TTC7B: variants seen among roughly 807,000 people sequenced by gnomAD.
TTC7B encodes the protein tetratricopeptide repeat domain 7B, also known as tetratricopeptide repeat protein 7B.
In TTC7B, 28 loss-of-function variants were observed where a neutral mutation model predicts 106.8. That is an observed-to-expected ratio of 0.26 (90% CI 0.19 to 0.36). The LOEUF (loss-of-function observed/expected upper bound fraction) is 0.36, where lower values mean the gene tolerates loss of function less well. Among genes scored for constraint, TTC7B ranks in the 10% least tolerant of loss-of-function variants. The pLI is 1.00. For synonymous variants in TTC7B, 405 were observed against 430.6 expected, an observed-to-expected ratio of 0.94 and a Z score of 0.74; for missense variants, 862 against 1,076.4, an observed-to-expected ratio of 0.80 and a Z score of 2.79.
intron 4 of TTC7B, among the ~76,000 whole-genome samples, chr14:90,736,893 T>TAAAAA (rs58051350): frequency 2.2e-5 from 2 of 91,924 alleles, no homozygotes; most frequent in African/African-American, 9.1e-5. Context: ...CCATGTCTCT[T>TAAAAA]AAAAAAAAAA....
intron 5 of TTC7B, chr14:90,698,284 A>G (rs1264764940): frequency 6.6e-6 from 1 of 152,268 alleles, no homozygotes; most frequent in Non-Finnish European, 1.5e-5. Context: ...CAAGAATTCT[A>G]TTCCAAATGC....
At chr14:90,677,151 A>C (rs963730251) in intron 8 of TTC7B, among the ~76,000 whole-genome samples, 8 of 152,238 alleles carry the variant, frequency 5.3e-5, no homozygotes, top group Non-Finnish European at 1.2e-4. Flanking sequence ...CTACAGAGAT[A>C]TATCTTACTT....
At chr14:90,620,241 G>A (rs971911378) in intron 15 of TTC7B, among the ~76,000 whole-genome samples, 3 of 152,050 alleles carry the variant, frequency 2.0e-5, no homozygotes, top group Non-Finnish European at 2.9e-5. Context: ...CATAAAGAGC[G>A]AGGCTAGATG....
chr14:90,661,363 G>A (rs1886197057), intron 9 of TTC7B, among the ~76,000 whole-genome samples: 2 of 152,236 alleles, frequency 1.3e-5, no homozygotes, highest in Non-Finnish European at 2.9e-5. Flanking sequence ...AAGGAGCACA[G>A]CGGGGAGGCA....
At chr14:90,673,743 G>T (rs1388585210) in intron 9 of TTC7B, among the ~76,000 whole-genome samples, 1 of 152,122 alleles carries the variant, frequency 6.6e-6, no homozygotes, top group Non-Finnish European at 1.5e-5. Context: ...TCTGTACAAC[G>T]GAATACTATT....
At chr14:90,658,275 A>G in intron 10 of TTC7B, 29 bp downstream of exon 10, 1 of 1,601,322 alleles carries the variant, frequency 6.2e-7, no homozygotes, top group Non-Finnish European at 8.6e-7. Flanking sequence ...GAAAGGCATA[A>G]AAAACTGCCC....
intron 19 of TTC7B, among the ~76,000 whole-genome samples, chr14:90,543,068 C>A (rs879933428): frequency 6.6e-6 from 1 of 152,152 alleles, no homozygotes; most frequent in Non-Finnish European, 1.5e-5. Flanking sequence ...CTTTAATAAC[C>A]ATTGAGGTTA....
intron 12 of TTC7B, 43 bp from the exon 13 acceptor site, chr14:90,652,941 G>T (rs1051900503): frequency 1.2e-6 from 2 of 1,603,074 alleles, no homozygotes; most frequent in Admixed American, 3.3e-5. Flanking sequence ...GGGGATCAGG[G>T]AATTTTGACA....
chr14:90,805,130 C>T lies in TTC7B; in HGVS notation c.121+11045G>A, dbSNP rs1038135044. 3.3e-5 allele frequency among the ~76,000 whole-genome samples: 5 copies of T among 152,198 alleles called. No individual in the cohort carries two copies. Among genetic ancestry groups the T allele is most frequent in the Admixed American group, 3.3e-4 (5 of 15,280 alleles). ...GTGGACGCCCACAGCCACTCCCAGT[C>T]CTGAGCACGTGCCCAGGTCTGCTAA... On this transcript the variant is annotated intron_variant, in intron 1 of 19. Coordinates refer to ENST00000328459, the MANE Select transcript of TTC7B (RefSeq NM_001010854.2). This position sits in a 1 kb window ranked among gnomAD's most constrained non-coding sequence, Gnocchi z 4.0.
At position 90,752,610 on chromosome 14, in the gene TTC7B, G is replaced by A. The variant is rs1268134358; in HGVS notation, c.446-7688C>T. ...GACTTCAGTTTCAATAATAATAAAG[G>A]TTGATTTATCAAAGCCCTACTCAGC... is the stretch of plus-strand genomic sequence containing the variant. On this transcript the variant is annotated intron_variant, in intron 3 of 19. Transcript: ENST00000328459. 5.3e-5 allele frequency among the ~76,000 whole-genome samples: 8 copies of A among 152,262 alleles called. No individual in the cohort carries two copies. In the South Asian group the frequency reaches 8.3e-4, roughly 16 times the overall value.
chr14:90,592,661 A>G (rs1189678726), intron 18 of TTC7B, among the ~76,000 whole-genome samples: 1 of 151,366 alleles, frequency 6.6e-6, no homozygotes, highest in Non-Finnish European at 1.5e-5. Flanking sequence ...GTGAGCCGAG[A>G]TTGCACCACT....
At chr14:90,712,001 T>G (rs1888467960) in intron 5 of TTC7B, among the ~76,000 whole-genome samples, 1 of 151,984 alleles carries the variant, frequency 6.6e-6, no homozygotes, top group Non-Finnish European at 1.5e-5. Flanking sequence ...ATGCTATGTA[T>G]AAGAGATAGA....
In TTC7B at chr14:90,527,765, T is replaced by C. The variant is rs1451656543; in HGVS notation, c.*13603A>G. ...TGGTAGAGATGGGCTTTCACCGTGT[T>C]AGCCAGGATGGTCTTGATCTCCTGA... On this transcript the variant is annotated 3_prime_UTR_variant, in exon 20 of 20. Transcript: ENST00000328459. 6.6e-6 allele frequency: 1 copy of C among 151,860 alleles called. No individual in the cohort carries two copies. The highest frequency in any genetic ancestry group is 2.4e-5 in the African/African-American group (1 of 41,382). 9.4% of individuals were successfully genotyped at this position (151,860 alleles called of 1,614,324 possible).
At chr14:90,605,886 A>G (rs1457262475) in intron 17 of TTC7B, 22 of 605,256 alleles carry the variant, frequency 3.6e-5, no homozygotes, top group Non-Finnish European at 4.8e-5. Context: ...GTAATACACA[A>G]TCATTCCTCT....
rs1477902654 is a variant in TTC7B at position 90,539,798 on chromosome 14, A to C, written c.*1570T>G. On this transcript the variant is annotated 3_prime_UTR_variant, in exon 20 of 20. Coordinates refer to ENST00000328459, the MANE Select transcript of TTC7B (RefSeq NM_001010854.2). ...CTCTGTGGGATTCGGACTTTGGCTCAAACACCTCTACACCTTCTTCTCATG... is the reference window on the plus strand; with the variant it reads ...CTCTGTGGGATTCGGACTTTGGCTCCAACACCTCTACACCTTCTTCTCATG... 3 of 152,282 alleles carry C rather than the reference A, an allele frequency of 2.0e-5. No homozygotes were observed. Among genetic ancestry groups the C allele is most frequent in the African/African-American group, 7.2e-5 (3 of 41,444 alleles). The allele number at this position is 152,282 out of a possible 1,614,324, so 9.4% of individuals were successfully genotyped here.
intron 15 of TTC7B, among the ~76,000 whole-genome samples, chr14:90,630,643 C>T (rs1884655483): frequency 6.6e-6 from 1 of 152,174 alleles, no homozygotes; most frequent in Non-Finnish European, 1.5e-5. Flanking sequence ...ACAATAGCTT[C>T]CCATTCCCCC....
intron 8 of TTC7B, 58 bp downstream of exon 8, chr14:90,680,414 T>TTCTA: frequency 7.4e-7 from 1 of 1,348,230 alleles, no homozygotes; most frequent in South Asian, 1.2e-5. Flanking sequence ...AATGGCTATA[T>TTCTA]CAAAAAAGGG....
chr14:90,555,339 G>A lies in TTC7B; in HGVS notation c.2311-13750C>T, dbSNP rs538982702. ...ACTGCAGGCCCTTCCTCTACCTGGCGGCTGCCAGATTCCGGGTGAGCCAGA... is the reference window on the plus strand; with the variant it reads ...ACTGCAGGCCCTTCCTCTACCTGGCAGCTGCCAGATTCCGGGTGAGCCAGA... On this transcript the variant is annotated intron_variant, in intron 19 of 19. Coordinates refer to ENST00000328459, the MANE Select transcript of TTC7B (RefSeq NM_001010854.2). Among the ~76,000 whole-genome samples the A allele has an allele frequency of 3.3e-5, 5 of 152,304 alleles. No individual in the cohort carries two copies. The South Asian group carries it at 8.3e-4, about 25-fold the overall frequency.
chr14:90,786,620 C>T (rs138369595), intron 1 of TTC7B, among the ~76,000 whole-genome samples: 2 of 152,002 alleles, frequency 1.3e-5, no homozygotes, highest in East Asian at 3.9e-4. Context: ...GCTCTTGTTG[C>T]TCAGGCTGGA....
Sources: allele counts gnomAD v4.1 joint callset (sites outside exome capture counted in the v4.1 genomes callset), GRCh38; gene constraint gnomAD v4.1.1; non-coding constraint Gnocchi (gnomAD v3.1); transcripts MANE v1.5; gene names NCBI Gene and HGNC (gene_info 2026-07-23, HGNC 2026-07-21).